The following C1orf146 variants were observed in gnomAD, a reference collection of about 807,000 sequenced individuals.
The protein encoded by C1orf146 is chromosome 1 open reading frame 146.
Under a neutral mutation model 23.0 loss-of-function variants are expected in C1orf146, and 22 were observed. That is an observed-to-expected ratio of 0.96 (90% CI 0.68 to 1.36). C1orf146 has a LOEUF of 1.36. Ranked by LOEUF, C1orf146 falls within the 40% of genes most tolerant of loss-of-function variation. The pLI is 0.00. For missense variants in C1orf146, 199 were observed against 206.8 expected (o/e 0.96, Z 0.23); for synonymous variants, 59 against 65.3 (o/e 0.90, Z 0.47).
intron 1 of C1orf146, among the ~76,000 whole-genome samples, chr1:92,227,886 T>C (rs1406748715): frequency 6.6e-6 from 1 of 152,168 alleles, no homozygotes; most frequent in African/African-American, 2.4e-5. Context: ...GTTTAATCTG[T>C]TCAGATTTAT....
chr1:92,236,690 A>G (rs1297120132), intron 2 of C1orf146, among the ~76,000 whole-genome samples: 1 of 152,174 alleles, frequency 6.6e-6, no homozygotes, highest in Admixed American at 6.5e-5. Flanking sequence ...CCTGGATAAT[A>G]TGCTGCAGAG....
chr1:92,239,223 T>C (rs1652371735), intron 2 of C1orf146, among the ~76,000 whole-genome samples: 2 of 152,254 alleles, frequency 1.3e-5, no homozygotes, highest in African/African-American at 4.8e-5. Flanking sequence ...CATGGATCCC[T>C]TGTGGGCCTG....
chr1:92,238,889 TTTTTA>T (rs1652362440), intron 2 of C1orf146, among the ~76,000 whole-genome samples: 1 of 152,176 alleles, frequency 6.6e-6, no homozygotes, highest in Non-Finnish European at 1.5e-5. Context: ...AATACACTGC[TTTTTA>T]TTTTAAAGAT....
chr1:92,241,187 CTTATTA>C (rs146597980), intron 2 of C1orf146, among the ~76,000 whole-genome samples: 3,952 of 142,580 alleles, frequency 0.028, 96 homozygotes, highest in African/African-American at 0.066. Context: ...CTCCAAGTTG[CTTATTA>C]TTATTATTAT....
chr1:92,244,173 C>T (rs576505202), intron 3 of C1orf146, 44 bp from the exon 4 acceptor site: 13 of 1,377,092 alleles, frequency 9.4e-6, no homozygotes, highest in Middle Eastern at 2.4e-4. Context: ...AAAATTTCAT[C>T]TCTATAACAA....
intron 2 of C1orf146, among the ~76,000 whole-genome samples, chr1:92,238,914 A>C (rs1429408778): frequency 1.3e-5 from 2 of 151,776 alleles, no homozygotes; most frequent in Admixed American, 6.6e-5. Context: ...TTTGACTCAG[A>C]TTTTTTGTTA....
intron 3 of C1orf146, 95 bp from the exon 4 acceptor site, chr1:92,244,122 G>GT: frequency 1.5e-6 from 1 of 668,112 alleles, no homozygotes; most frequent in Non-Finnish European, 2.4e-6. Flanking sequence ...TTGGACACAT[G>GT]TGGTATACTT....
At chr1:92,242,136 C>T (rs1652445571) in intron 2 of C1orf146, 76 bp from the exon 3 acceptor site, 4 of 688,576 alleles carry the variant, frequency 5.8e-6, no homozygotes, top group Non-Finnish European at 9.3e-6. Context: ...ACATATTAAA[C>T]TTTTAATTTT....
At chr1:92,244,545 G>A (rs773612324) in intron 4 of C1orf146, among the ~76,000 whole-genome samples, 160 bp downstream of exon 4, 7 of 152,186 alleles carry the variant, frequency 4.6e-5, no homozygotes, top group Non-Finnish European at 8.8e-5. Context: ...TATGAATCGA[G>A]GTGACAGGGT....
At chr1:92,225,558 G>T (rs995213394) in intron 1 of C1orf146, among the ~76,000 whole-genome samples, 1 of 152,138 alleles carries the variant, frequency 6.6e-6, no homozygotes, top group African/African-American at 2.4e-5. Flanking sequence ...TTACTTAGAA[G>T]TGTGTGTTTG....
intron 2 of C1orf146, among the ~76,000 whole-genome samples, chr1:92,241,839 T>C (rs1652437310): frequency 6.6e-6 from 1 of 152,150 alleles, no homozygotes. Context: ...TTTGGGAGGA[T>C]TGCATGAACT....
At chr1:92,222,779 G>A (rs1651865616) in intron 1 of C1orf146, among the ~76,000 whole-genome samples, 2 of 151,376 alleles carry the variant, frequency 1.3e-5, no homozygotes, top group African/African-American at 2.4e-5. Flanking sequence ...GTAGAGATGG[G>A]GTTTCACCAT....
intron 5 of C1orf146, among the ~76,000 whole-genome samples, chr1:92,245,215 C>G (rs183049224): frequency 4.9e-4 from 74 of 152,298 alleles, no homozygotes; most frequent in African/African-American, 1.6e-3. Flanking sequence ...TGTCTACTTT[C>G]TTTTCTTGCT....
chr1:92,235,957 T>A (rs537334634), intron 2 of C1orf146, among the ~76,000 whole-genome samples: 10 of 152,272 alleles, frequency 6.6e-5, no homozygotes, highest in African/African-American at 2.2e-4. Flanking sequence ...GTTTTCCATT[T>A]GTTTGGTAGA....
chr1:92,229,649 T>C (rs1442628478), intron 1 of C1orf146, among the ~76,000 whole-genome samples: 1 of 152,104 alleles, frequency 6.6e-6, no homozygotes, highest in Non-Finnish European at 1.5e-5. Context: ...CAAAACCTAC[T>C]AACCATAAAT....
intron 2 of C1orf146, among the ~76,000 whole-genome samples, chr1:92,237,191 A>G (rs1652302257): frequency 1.3e-5 from 2 of 152,104 alleles, no homozygotes; most frequent in South Asian, 4.2e-4. Flanking sequence ...TCTGCTTTTT[A>G]GAGTTTCCAT....
intron 1 of C1orf146, among the ~76,000 whole-genome samples, chr1:92,226,342 T>C (rs1651967195): frequency 6.6e-6 from 1 of 151,990 alleles, no homozygotes; most frequent in Admixed American, 6.6e-5. Context: ...TAGAGAAACT[T>C]TGCACCAATA....
intron 2 of C1orf146, among the ~76,000 whole-genome samples, chr1:92,236,796 A>G (rs1454082717): frequency 6.6e-6 from 1 of 151,830 alleles, no homozygotes; most frequent in Non-Finnish European, 1.5e-5. Context: ...TTCTTGCTGG[A>G]TTTGTTCGTT....
At chr1:92,218,683 C>A (rs1042611736) in intron 1 of C1orf146, among the ~76,000 whole-genome samples, 1 of 152,220 alleles carries the variant, frequency 6.6e-6, no homozygotes, top group East Asian at 1.9e-4. Flanking sequence ...TAGTGACTGT[C>A]CCTCCTCCAC....
Sources: gnomAD v4.1 joint callset for allele counts (sites outside exome capture counted in the v4.1 genomes callset) on GRCh38, gnomAD v4.1.1 for gene constraint, MANE v1.5 for transcripts, NCBI Gene and HGNC (gene_info 2026-07-23, HGNC 2026-07-21) for gene names.